The following RNF6 variants were observed in gnomAD, a reference collection of about 807,000 sequenced individuals.
RNF6 encodes the protein ring finger protein 6.
A neutral mutation model predicts 50.1 loss-of-function variants in RNF6; 21 were observed. The observed-to-expected ratio is 0.42, with a 90% CI of 0.30 to 0.60. The LOEUF is 0.60. Ranked by LOEUF, RNF6 falls within the 20% of genes least tolerant of loss-of-function variation. RNF6 has a pLI of 0.20. For missense variants in RNF6, 698 were observed against 838.2 expected, an observed-to-expected ratio of 0.83 and a Z score of 2.07; for synonymous variants, 255 against 291.8, an observed-to-expected ratio of 0.87 and a Z score of 1.29.
chr13:26,219,331 C>A, intron 3 of RNF6, 126 bp downstream of exon 3: 1 of 828,204 alleles, frequency 1.2e-6, no homozygotes, highest in Non-Finnish European at 1.8e-6. Flanking sequence ...TTCTTAAACT[C>A]ACAAAAACAA....
At chr13:26,176,142 G>C (rs1267611684) in intron 5 of RNF6, among the ~76,000 whole-genome samples, 1 of 152,138 alleles carries the variant, frequency 6.6e-6, no homozygotes, top group Non-Finnish European at 1.5e-5. Flanking sequence ...AGGAATGAAG[G>C]AGGACAGAGG....
At chr13:26,217,711 G>A (rs529074567) in intron 4 of RNF6, among the ~76,000 whole-genome samples, 1 of 152,274 alleles carries the variant, frequency 6.6e-6, no homozygotes, top group East Asian at 1.9e-4. Flanking sequence ...ACCTGAATGT[G>A]GCTAGTATGA....
Position 26,198,617 on chromosome 13 carries a change from T to G in RNF6, n.768+16857A>C, listed in dbSNP as rs151258806. 3.1e-4 allele frequency among the ~76,000 whole-genome samples: 47 copies of G among 151,974 alleles called. 2 individuals are homozygous for G. The highest frequency in any genetic ancestry group is 1.1e-3 in the African/African-American group (46 of 41,320). On this transcript the variant is annotated intron_variant and non_coding_transcript_variant, in intron 5 of 5. Transcript: ENST00000468480. ...AGGCAATGATGTCCACTCTCACCAC[T>G]TCTACTTAACACTGTAATGAAGGTC... is the stretch of plus-strand genomic sequence containing the variant.
intron 5 of RNF6, among the ~76,000 whole-genome samples, chr13:26,178,900 T>C (rs1178181416): frequency 2.0e-5 from 3 of 152,178 alleles, no homozygotes; most frequent in African/African-American, 7.2e-5. Flanking sequence ...TTTTTCTGTG[T>C]CTGACTTATT....
At chr13:26,165,351 G>A (rs961267885) in intron 5 of RNF6, among the ~76,000 whole-genome samples, 2 of 152,230 alleles carry the variant, frequency 1.3e-5, no homozygotes, top group African/African-American at 4.8e-5. Flanking sequence ...TAGGGGTGAG[G>A]CTCTCATGGA....
intron 5 of RNF6, among the ~76,000 whole-genome samples, chr13:26,146,889 C>A (rs1000149322): frequency 6.6e-6 from 1 of 152,144 alleles, no homozygotes; most frequent in Non-Finnish European, 1.5e-5. Flanking sequence ...GGGCAGACAT[C>A]CCCCTTGCTG....
intron 2 of RNF6, 89 bp from the exon 3 acceptor site, chr13:26,219,756 T>C: frequency 1.7e-6 from 2 of 1,196,470 alleles, no homozygotes; most frequent in Admixed American, 4.5e-5. Flanking sequence ...TTCTTAATTT[T>C]TAAATGTTGT....
chr13:26,215,623 A>G, intron 4 of RNF6, 31 bp from the exon 5 acceptor site: 1 of 1,545,356 alleles, frequency 6.5e-7, no homozygotes, highest in East Asian at 2.2e-5. Context: ...ACTTAAGATC[A>G]ATTCCTAAGA....
In RNF6 at chr13:26,214,813, G is replaced by A. The variant is rs1190679862; in HGVS notation, c.1069C>T (p.Arg357Ter). The change falls in exon 5 of 5, where the codon CGA becomes TGA. Residue 357 changes from arginine (R) to a stop codon, truncating the protein, a stop_gained. Coordinates refer to ENST00000381588, the MANE Select transcript of RNF6 (RefSeq NM_005977.4). LOFTEE classifies it high-confidence loss of function. ...TRVFLEQDRE[R>*]ERRGTAYTPF... ...GTATATGCAGTACCTCTGCGTTCTC[G>A]TTCTCTATCTTGCTCTAAAAAGACT... 3.1e-6 allele frequency: 5 copies of A among 1,614,134 alleles called. No homozygotes were observed. The highest frequency in any genetic ancestry group is 2.2e-5 in the East Asian group (1 of 44,870).
At chr13:26,135,827 C>A (rs1176681809) in intron 5 of RNF6, among the ~76,000 whole-genome samples, 1 of 151,990 alleles carries the variant, frequency 6.6e-6, no homozygotes, top group Admixed American at 6.6e-5. Flanking sequence ...AGTGAGTTTT[C>A]ACTCTATAAT....
chr13:26,173,949 C>A (rs1356442676), intron 5 of RNF6, among the ~76,000 whole-genome samples: 1,218 of 117,242 alleles, frequency 0.01, no homozygotes, highest in Middle Eastern at 0.014. Context: ...GACTCCGTCT[C>A]AAAAAAAAAA....
chr13:26,222,789 A>T (rs181291402), upstream of RNF6: 525 of 152,300 alleles, frequency 3.4e-3, 8 homozygotes, highest in Non-Finnish European at 5.8e-3. Context: ...CATTAATTTC[A>T]CATTTTTTCT....
intron 5 of RNF6, among the ~76,000 whole-genome samples, chr13:26,148,632 T>A (rs538776860): frequency 2.1e-5 from 1 of 47,084 alleles, no homozygotes; most frequent in Non-Finnish European, 3.7e-5. Context: ...ATAAATCTCT[T>A]TATATATATA....
chr13:26,165,189 G>A lies in RNF6; in HGVS notation n.769-32738C>T, dbSNP rs1235409501. 1.2e-4 allele frequency among the ~76,000 whole-genome samples: 19 copies of A among 152,198 alleles called. 1 individual carries two copies. The highest frequency in any genetic ancestry group is 1.5e-5 in the Non-Finnish European group (1 of 68,030). ...GGGGCCAACGTAGAACTTGGGACAT[G>A]GCTTCAGAAGGTGCAAACCTCAAGC... On this transcript the variant is annotated intron_variant and non_coding_transcript_variant, in intron 5 of 5. Transcript: ENST00000468480.
At chr13:26,151,969 G>A (rs1871630585) in intron 5 of RNF6, among the ~76,000 whole-genome samples, 1 of 152,106 alleles carries the variant, frequency 6.6e-6, no homozygotes, top group Non-Finnish European at 1.5e-5. Context: ...TCATGTCAGT[G>A]AGCTGCTCAC....
intron 5 of RNF6, among the ~76,000 whole-genome samples, chr13:26,138,571 G>A (rs1870768683): frequency 6.6e-6 from 1 of 152,076 alleles, no homozygotes; most frequent in Non-Finnish European, 1.5e-5. Flanking sequence ...GATGAATAAA[G>A]ATGTAATTTG....
chr13:26,175,714 A>G (rs1283360863), intron 5 of RNF6, among the ~76,000 whole-genome samples: 1 of 152,158 alleles, frequency 6.6e-6, no homozygotes, highest in Non-Finnish European at 1.5e-5. Flanking sequence ...AGAGAGTAAC[A>G]GGAAATAATC....
chr13:26,213,853 A>C lies in RNF6; in HGVS notation c.2029T>G (p.Leu677Val), dbSNP rs930449849. 3 of 1,613,112 alleles carry C rather than the reference A, an allele frequency of 1.9e-6. No individual in the cohort carries two copies. The highest frequency in any genetic ancestry group is 1.7e-4 in the Middle Eastern group (1 of 6,058). The change falls in exon 5 of 5, where the codon TTA (leucine) becomes GTA (valine). Residue 677 changes from leucine (L) to valine (V), a missense_variant. Physicochemically the swap from Leu to Val is conservative, Grantham distance 32. Transcript: ENST00000381588. ...CCATTGTTTGCTATGTTAGACCCTA[A>C]AACAGGCTGCCGACAGATCGGACAA... ...CTCPICRQPV[L>V]GSNIANNG is the part of the protein sequence containing the mutation.
At chr13:26,160,630 A>C (rs991027168) in intron 5 of RNF6, among the ~76,000 whole-genome samples, 1 of 138,340 alleles carries the variant, frequency 7.2e-6, no homozygotes, top group Non-Finnish European at 1.5e-5. Flanking sequence ...CCCTAATATT[A>C]TTCTATAAAT....
Sources: allele counts gnomAD v4.1 joint callset (sites outside exome capture counted in the v4.1 genomes callset), GRCh38; gene constraint gnomAD v4.1.1; transcripts MANE v1.5; gene names NCBI Gene and HGNC (gene_info 2026-07-23, HGNC 2026-07-21).